Variants in CEP85L observed in about 807,000 individuals in gnomAD.
The protein encoded by CEP85L is centrosomal protein of 85 kDa-like.
A neutral mutation model predicts 100.3 loss-of-function variants in CEP85L; 60 were observed. That is an observed-to-expected ratio of 0.60 (90% CI 0.49 to 0.74). The LOEUF (loss-of-function observed/expected upper bound fraction) is 0.74, where lower values mean the gene tolerates loss of function less well. Among genes scored for constraint, CEP85L ranks in the 30% least tolerant of loss-of-function variants. The probability of loss-of-function intolerance (pLI) is 0.00; values close to 1 mark genes in which losing one functional copy is unlikely to be tolerated. For missense variants in CEP85L, 973 were observed against 936.2 expected (o/e 1.04, Z -0.51); for synonymous variants, 319 against 322.7 (o/e 0.99, Z 0.12).
chr6:118,678,913 A>G (rs1347381963), intron 1 of CEP85L, among the ~76,000 whole-genome samples: 2 of 118,198 alleles, frequency 1.7e-5, no homozygotes, highest in South Asian at 5.7e-4. Context: ...GCCTGGCAAC[A>G]GAGTGAGACT....
rs899469252 is a variant in CEP85L at position 118,463,982 on chromosome 6, G to A, written c.*1423C>T. ...ATGCCCTTTATCTGGCAAGAAAACA[G>A]GCATGTGATATGCTCTTTATCAAAT... On this transcript the variant is annotated 3_prime_UTR_variant, in exon 13 of 13. Coordinates refer to ENST00000368491, the MANE Select transcript of CEP85L (RefSeq NM_001042475.3). 1 of 152,070 alleles carries A rather than the reference G, an allele frequency of 6.6e-6. No homozygotes were observed. The highest frequency in any genetic ancestry group is 2.4e-5 in the African/African-American group (1 of 41,432). The allele number at this position is 152,070 out of a possible 1,614,324, so 9.4% of individuals were successfully genotyped here.
At chr6:118,623,876 T>C (rs1481733829) in intron 2 of CEP85L, among the ~76,000 whole-genome samples, 1 of 152,220 alleles carries the variant, frequency 6.6e-6, no homozygotes, top group Non-Finnish European at 1.5e-5. Flanking sequence ...GATCTAGTAG[T>C]GGTCAAGTCC....
In CEP85L at chr6:118,483,915, A is replaced by C. The variant is rs1052314755; in HGVS notation, c.1438-57T>G. ...TTTTCAGTCATTAAAAGATATAACA[A>C]AACCAACACTTTAATATTAGACACC... On this transcript the variant is annotated intron_variant, in intron 6 of 12. Transcript: ENST00000368491. 6.1e-5 allele frequency: 92 copies of C among 1,501,480 alleles called. No individual in the cohort carries two copies. The African/African-American group carries it at 1.1e-3, about 18-fold the overall frequency. The allele number at this position is 1,501,480 out of a possible 1,614,324, so 93.0% of individuals were successfully genotyped here. A position where few individuals can be genotyped will look rare whatever the true frequency, so the allele number is the denominator to read the frequency against.
Position 118,470,609 on chromosome 6 carries a change from GGTCA to G in CEP85L, c.1946_1949del (p.Leu649ProfsTer5). ...CCAGCTCTTCCATCATCTTTTGAGT[GGTCA>G]GTTTCTCTTTAGAAAGCTTTCCTTG... is the stretch of plus-strand genomic sequence containing the variant. On this transcript the variant is annotated frameshift_variant, in exon 11 of 13. Coordinates refer to ENST00000368491, the MANE Select transcript of CEP85L (RefSeq NM_001042475.3). LOFTEE classifies it high-confidence loss of function. 6.2e-7 allele frequency: 1 copy of G among 1,603,946 alleles called. No homozygotes were observed. Among genetic ancestry groups the G allele is most frequent in the Non-Finnish European group, 8.5e-7 (1 of 1,175,036 alleles).
chr6:118,520,613 T>C (rs553715125), intron 4 of CEP85L, among the ~76,000 whole-genome samples: 39 of 152,312 alleles, frequency 2.6e-4, no homozygotes, highest in Admixed American at 1.3e-3. Flanking sequence ...AGTTACCCTA[T>C]AGTGCAACAG....
At chr6:118,491,947 A>ACAGCT in intron 5 of CEP85L, 82 bp from the exon 6 acceptor site, 1 of 1,047,030 alleles carries the variant, frequency 9.6e-7, no homozygotes, top group Admixed American at 2.4e-5. Flanking sequence ...GAAGTATAAT[A>ACAGCT]TAAGGAGTAC....
chr6:118,709,190 T>C (rs1427420724), intron 1 of CEP85L, among the ~76,000 whole-genome samples: 1 of 152,056 alleles, frequency 6.6e-6, no homozygotes, highest in Non-Finnish European at 1.5e-5. Context: ...GGTAGCGACC[T>C]CCATGAAATC....
rs141569405 is a variant in CEP85L, at chr6:118,529,833, G to A, written c.1021-5913C>T. Among the ~76,000 whole-genome samples, 776 of 152,006 alleles carry A rather than the reference G, an allele frequency of 5.1e-3. 4 individuals carry two copies. The highest frequency in any genetic ancestry group is 0.018 in the African/African-American group (727 of 41,468). On this transcript the variant is annotated intron_variant, in intron 3 of 12. Coordinates refer to ENST00000368491, the MANE Select transcript of CEP85L (RefSeq NM_001042475.3). ...TTGTGGAAAAGGAGGAAAGCCAAGC[G>A]CAATTGCCTTAAAACCTTCAGACTA...
rs574822152 is a variant in CEP85L at position 118,566,093 on chromosome 6, T to C, written c.456A>G (p.Pro152=). 7 of 1,614,218 alleles carry C rather than the reference T, an allele frequency of 4.3e-6. No individual in the cohort carries two copies. In the East Asian group the frequency reaches 8.9e-5, roughly 21 times the overall value. ...DSSLDMKDFR[P]LRKWSSLSKL... ...TGGATAAAGATGACCATTTCCGAAG[T>C]GGCCGGAAGTCCTTCATGTCTAGGG... The change falls in exon 3 of 13, where the codon CCA becomes CCG. Residue 152 remains proline, a synonymous_variant. Coordinates refer to ENST00000368491, the MANE Select transcript of CEP85L (RefSeq NM_001042475.3).
At chr6:118,638,125 T>C (rs62422229) in intron 1 of CEP85L, among the ~76,000 whole-genome samples, 24,836 of 151,546 alleles carry the variant, frequency 0.16, 2,156 homozygotes, top group Non-Finnish European at 0.19. Flanking sequence ...ATGCCTGTAA[T>C]ACCAGCTACT....
intron 1 of CEP85L, among the ~76,000 whole-genome samples, chr6:118,676,114 C>A (rs1776473614): frequency 6.6e-6 from 1 of 151,792 alleles, no homozygotes; most frequent in African/African-American, 2.4e-5. Context: ...TTTTAACTGA[C>A]AAATAATAAT....
At position 118,487,876 on chromosome 6, in the gene CEP85L, A is replaced by G. The variant is rs548061639; in HGVS notation, c.1437+3810T>C. On this transcript the variant is annotated intron_variant, in intron 6 of 12. Transcript: ENST00000368491. ...CAGATTCAAGTTTCTCCCTGTGCAG[A>G]GAAAGCAATGGACAGAACACCCAAC... Among the ~76,000 whole-genome samples the G allele has an allele frequency of 2.2e-4, 33 of 152,358 alleles. No homozygotes were observed. The South Asian group carries it at 6.4e-3, about 30-fold the overall frequency.
chr6:118,600,942 T>C (rs1021061721), intron 2 of CEP85L, among the ~76,000 whole-genome samples: 7 of 152,360 alleles, frequency 4.6e-5, no homozygotes, highest in Admixed American at 3.9e-4. Context: ...TAATTAGTTT[T>C]AACTGGATAT....
intron 1 of CEP85L, among the ~76,000 whole-genome samples, chr6:118,708,986 C>A (rs1332986927): frequency 1.3e-5 from 2 of 152,056 alleles, no homozygotes; most frequent in African/African-American, 4.8e-5. Flanking sequence ...ATGACTAACA[C>A]TAAAAGCAAA....
chr6:118,514,237 T>C (rs982865437), intron 4 of CEP85L, among the ~76,000 whole-genome samples: 6 of 152,000 alleles, frequency 3.9e-5, no homozygotes, highest in Non-Finnish European at 7.4e-5. Context: ...AGAAAACAAA[T>C]AGCAATGCCA....
At chr6:118,681,744 A>G (rs564187873) in intron 1 of CEP85L, among the ~76,000 whole-genome samples, 1 of 126,984 alleles carries the variant, frequency 7.9e-6, no homozygotes, top group Non-Finnish European at 1.6e-5. Context: ...TATTATAATT[A>G]TTTCTTTTTT....
intron 2 of CEP85L, among the ~76,000 whole-genome samples, chr6:118,590,204 C>A (rs1781106252): frequency 6.6e-6 from 1 of 152,140 alleles, no homozygotes; most frequent in African/African-American, 2.4e-5. Flanking sequence ...TCTGATTCCC[C>A]TGTGTTGGTC....
At chr6:118,583,346 T>C (rs1780678130) in intron 2 of CEP85L, among the ~76,000 whole-genome samples, 1 of 152,194 alleles carries the variant, frequency 6.6e-6, no homozygotes. Flanking sequence ...AGGCCTCCCC[T>C]CTTCCCAGAG....
intron 2 of CEP85L, among the ~76,000 whole-genome samples, chr6:118,594,476 G>A (rs1329065983): frequency 2.0e-5 from 3 of 151,778 alleles, no homozygotes; most frequent in Admixed American, 6.6e-5. Context: ...TTAGCTGTTG[G>A]GAATAATCAA....
Sources: gnomAD v4.1 joint callset for allele counts (sites outside exome capture counted in the v4.1 genomes callset) on GRCh38, gnomAD v4.1.1 for gene constraint, MANE v1.5 for transcripts, NCBI Gene and HGNC (gene_info 2026-07-23, HGNC 2026-07-21) for gene names.